Variants in PHKA2 observed in about 807,000 individuals in gnomAD.
The protein encoded by PHKA2 is phosphorylase kinase regulatory subunit alpha 2, also known as phosphorylase b kinase regulatory subunit alpha, liver isoform.
PHKA2 carries 31 observed loss-of-function variants against 102.0 expected under a neutral mutation model. The observed-to-expected ratio is 0.30, with a 90% CI of 0.23 to 0.41. The LOEUF is 0.41. Among genes scored for constraint, PHKA2 ranks in the 10% least tolerant of loss-of-function variants. The pLI is 1.00. For synonymous variants in PHKA2, 455 were observed against 416.2 expected (o/e 1.09, Z -1.13); for missense variants, 858 against 1,023.1 (o/e 0.84, Z 2.20).
At position 18,897,951 on chromosome X, in the gene PHKA2, A is replaced by G. The variant is rs771182322; in HGVS notation, c.3112-618T>C. Reference sequence around the variant, plus strand: ...AGGCATCCATGGCTCAGGGAGACAAACTCCATAGTGCCCACTTCATTGCTG... The same window carrying G: ...AGGCATCCATGGCTCAGGGAGACAAGCTCCATAGTGCCCACTTCATTGCTG... On this transcript the variant is annotated intron_variant, in intron 29 of 32. Coordinates refer to ENST00000379942, the MANE Select transcript of PHKA2 (RefSeq NM_000292.3). 4.2e-3 allele frequency: 480 copies of G among 114,197 alleles called. 1 individual carries two copies. The highest frequency in any genetic ancestry group is 6.9e-3 in the Non-Finnish European group (376 of 54,289). 9.4% of individuals were successfully genotyped at this position (114,197 alleles called of 1,213,427 possible). A position where few individuals can be genotyped will look rare whatever the true frequency, so the allele number is the denominator to read the frequency against.
In PHKA2 at chrX:18,907,975, G is replaced by A. The variant is rs139012270; in HGVS notation, c.2442C>T (p.Ala814=). 74 of 1,209,184 alleles carry A rather than the reference G, an allele frequency of 6.1e-5. No individual in the cohort carries two copies. Among genetic ancestry groups the A allele is most frequent in the East Asian group, 1.8e-4 (6 of 33,764 alleles). ...TCAGACCCCACTCCTGGTTCAAGCC[G>A]GCTTTCCCATAGAGCTCACCAAGAA... ...QNLLGELYGK[A]GLNQEWGLIR... The change falls in exon 22 of 33, where the codon GCC becomes GCT. Residue 814 remains alanine, a synonymous_variant. Transcript: ENST00000379942.
At chrX:18,926,373 T>A (rs1050337841) in intron 14 of PHKA2, 80 bp downstream of exon 14, 1 of 791,480 alleles carries the variant, frequency 1.3e-6, no homozygotes, top group African/African-American at 2.0e-5. Flanking sequence ...CTTACGTATA[T>A]CACAGTCTCC....
At position 18,926,447 on chromosome X, in the gene PHKA2, A is replaced by G; in HGVS notation, c.1459+6T>C. 1 of 1,203,007 alleles carries G rather than the reference A, an allele frequency of 8.3e-7. No homozygotes were observed. The highest frequency in any genetic ancestry group is 1.1e-6 in the Non-Finnish European group (1 of 887,737). ...AAAAAGGCCCAGGTAATTTCCCCAA[A>G]CCTACCAAGCTTGGCATATATGTGA... On this transcript the variant is annotated splice_donor_region_variant and intron_variant, in intron 14 of 32. Transcript: ENST00000379942.
In PHKA2 at chrX:18,897,351, T is replaced by TG; in HGVS notation, c.3112-19dup. 1 of 1,196,580 alleles carries TG rather than the reference T, an allele frequency of 8.4e-7. No homozygotes were observed. The highest frequency in any genetic ancestry group is 1.1e-6 in the Non-Finnish European group (1 of 887,585). Reference sequence around the variant, plus strand: ...CTGGACCTCTGCAAGACAGACAGCTTGGGGCCTCAGAAGCCACGCAGCAGG... The same window carrying TG: ...CTGGACCTCTGCAAGACAGACAGCTTGGGGGCCTCAGAAGCCACGCAGCAGG... On this transcript the variant is annotated intron_variant, in intron 29 of 32. Transcript: ENST00000379942.
At chrX:18,967,927 A>C (rs1449891366) in intron 1 of PHKA2, among the ~76,000 whole-genome samples, 1 of 111,530 alleles carries the variant, frequency 9.0e-6, no homozygotes, top group Non-Finnish European at 1.9e-5. Context: ...ACACTTAAAA[A>C]TTACTGGAGA....
At position 18,920,085 on chromosome X, in the gene PHKA2, C is replaced by A. The variant is rs2048090071; in HGVS notation, c.1910G>T (p.Ser637Ile). 8.4e-7 allele frequency: 1 copy of A among 1,196,678 alleles called. No individual in the cohort carries two copies. The highest frequency in any genetic ancestry group is 1.1e-6 in the Non-Finnish European group (1 of 881,754). The change falls in exon 18 of 33, where the codon AGT becomes ATT. Residue 637 changes from serine to isoleucine, a missense_variant. Transcript: ENST00000379942. ...LFDNASEGTFSPDSDSDLVGY... is the reference protein window; with the variant it reads ...LFDNASEGTFIPDSDSDLVGY... ...TACCAAATCTGAATCACTATCAGGA[C>A]TGAAAGTCCCTTCGCTGGCATTGTC...
intron 17 of PHKA2, among the ~76,000 whole-genome samples, chrX:18,922,763 G>A (rs1453776563): frequency 9.0e-6 from 1 of 111,491 alleles, no homozygotes. Context: ...AAAATGAAAA[G>A]AGTTCTGGAG....
chrX:18,910,218 G>A (rs1436481487), intron 20 of PHKA2, among the ~76,000 whole-genome samples: 5 of 112,473 alleles, frequency 4.4e-5, no homozygotes, highest in Admixed American at 3.8e-4. Context: ...AGTGGCTTGC[G>A]CCTGTAATCC....
intron 10 of PHKA2, among the ~76,000 whole-genome samples, chrX:18,936,836 C>T (rs1287177425): frequency 3.6e-5 from 4 of 111,798 alleles, no homozygotes; most frequent in African/African-American, 6.5e-5. Context: ...CAAGTGTGAG[C>T]GACAGCAAAG....
At chrX:18,940,105 C>T in intron 8 of PHKA2, 57 bp from the exon 9 acceptor site, 1 of 765,374 alleles carries the variant, frequency 1.3e-6, no homozygotes, top group African/African-American at 2.0e-5. Context: ...CTTTTTAATT[C>T]AAGTCAGCCC....
Position 18,924,101 on chromosome X carries a change from A to G in PHKA2, c.1748T>C (p.Leu583Pro), listed in dbSNP as rs2048170093. Residue 583 changes from leucine (L) to proline (P), a missense_variant, in exon 17 of 33, where the codon CTC (leucine) becomes CCC (proline). Leu to Pro is a moderately conservative substitution (Grantham distance 98, BLOSUM62 -3). Transcript: ENST00000379942. ...ATCCTCTAGTTTTCTAATTGTGGAG[A>G]GCACAGCAGAATGAATGTCTGAGCC... ...NDGSDIHSAV[L>P]STIRKLEDGY... 2 of 1,204,714 alleles carry G rather than the reference A, an allele frequency of 1.7e-6. No homozygotes were observed. The highest frequency in any genetic ancestry group is 2.2e-6 in the Non-Finnish European group (2 of 889,957).
intron 1 of PHKA2, among the ~76,000 whole-genome samples, chrX:18,959,227 T>C (rs186517795): frequency 5.4e-4 from 61 of 112,471 alleles, no homozygotes; most frequent in African/African-American, 1.8e-3. Flanking sequence ...GAAGATTAAA[T>C]GAATTAATTC....
chrX:18,933,237 C>T (rs1409788336), intron 11 of PHKA2, among the ~76,000 whole-genome samples: 3 of 112,484 alleles, frequency 2.7e-5, no homozygotes, highest in African/African-American at 6.5e-5. Context: ...CCTCCTGCCC[C>T]GCATGGAGGC....
intron 23 of PHKA2, 63 bp downstream of exon 23, chrX:18,906,954 TG>T: frequency 9.6e-7 from 1 of 1,038,012 alleles, no homozygotes; most frequent in Non-Finnish European, 1.3e-6. Context: ...CTCCGAACAC[TG>T]GGAAGCGCTG....
intron 10 of PHKA2, among the ~76,000 whole-genome samples, chrX:18,937,535 GA>G (rs2048413344): frequency 9.0e-6 from 1 of 111,364 alleles, no homozygotes; most frequent in Non-Finnish European, 1.9e-5. Context: ...AAAGCTTTCT[GA>G]AAGAAGACAC....
chrX:18,979,752 A>T (rs2049143954), intron 1 of PHKA2, among the ~76,000 whole-genome samples: 1 of 111,452 alleles, frequency 9.0e-6, no homozygotes, highest in South Asian at 3.6e-4. Context: ...AGATACAGGA[A>T]AAGGAATTAA....
chrX:18,968,031 G>A (rs763740552), intron 1 of PHKA2, among the ~76,000 whole-genome samples: 2 of 110,907 alleles, frequency 1.8e-5, no homozygotes, highest in Non-Finnish European at 3.8e-5. Flanking sequence ...TTACTAATTC[G>A]TTAACAAAAA....
chrX:18,905,478 A>G (rs1008077585), intron 26 of PHKA2, among the ~76,000 whole-genome samples: 10 of 111,223 alleles, frequency 9.0e-5, no homozygotes, highest in Non-Finnish European at 1.9e-4. Flanking sequence ...CCCAGCCAAC[A>G]CTTTTGCGTA....
intron 26 of PHKA2, 149 bp from the exon 27 acceptor site, chrX:18,901,752 A>G: frequency 2.0e-6 from 1 of 512,753 alleles, no homozygotes; most frequent in South Asian, 2.5e-5. Context: ...GCACAGGTGC[A>G]GCACTCAGCT....
Sources: gnomAD v4.1 joint callset for allele counts (sites outside exome capture counted in the v4.1 genomes callset) on GRCh38, gnomAD v4.1.1 for gene constraint, MANE v1.5 for transcripts, NCBI Gene and HGNC (gene_info 2026-07-23, HGNC 2026-07-21) for gene names.